Variants in SOX30 observed in about 807,000 individuals in gnomAD.
SOX30 encodes the protein SRY-box transcription factor 30.
SOX30 carries 17 observed loss-of-function variants against 58.6 expected under a neutral mutation model. The ratio of observed to expected loss-of-function variants is 0.29; its 90% CI spans 0.20 to 0.44. The LOEUF is 0.44. Ranked by LOEUF, SOX30 falls within the 20% of genes least tolerant of loss-of-function variation. The pLI is 1.00. For missense variants in SOX30, 951 were observed against 965.8 expected, an observed-to-expected ratio of 0.98 and a Z score of 0.20; for synonymous variants, 421 against 400.2, an observed-to-expected ratio of 1.05 and a Z score of -0.62.
chr5:157,654,431 T>C (rs1561588151), upstream of SOX30, among the ~76,000 whole-genome samples: 1 of 152,212 alleles, frequency 6.6e-6, no homozygotes, highest in East Asian at 1.9e-4. Context: ...TAGCTGACTC[T>C]GTAAGTGTCA....
intron 4 of SOX30, among the ~76,000 whole-genome samples, chr5:157,635,882 C>A (rs928656222): frequency 1.3e-5 from 2 of 152,026 alleles, no homozygotes; most frequent in African/African-American, 4.8e-5. Flanking sequence ...TAACAGCTGC[C>A]AATCAAGAGG....
intron 3 of SOX30, among the ~76,000 whole-genome samples, chr5:157,645,412 C>G (rs562037063): frequency 6.6e-6 from 1 of 152,172 alleles, no homozygotes; most frequent in South Asian, 2.1e-4. Context: ...ACTTATAATC[C>G]TGGCACTTTG....
chr5:157,651,071 A>T (rs1759317073), intron 1 of SOX30, 41 bp downstream of exon 1: 1 of 1,417,158 alleles, frequency 7.1e-7, no homozygotes, highest in African/African-American at 1.4e-5. Flanking sequence ...TGGGCAACAC[A>T]GACGCAGTTT....
chr5:157,667,663 C>T (rs1029576165), intron 2 of SOX30: 1 of 1,230,468 alleles, frequency 8.1e-7, no homozygotes, highest in African/African-American at 1.6e-5. Context: ...CACTTGAACC[C>T]AGGTCGCAGA....
At chr5:157,659,133 C>A (rs1759531837) in intron 2 of SOX30, among the ~76,000 whole-genome samples, 2 of 152,218 alleles carry the variant, frequency 1.3e-5, no homozygotes, top group South Asian at 4.1e-4. Flanking sequence ...TAAAAATGGG[C>A]AACCAGCACT....
At chr5:157,640,249 C>G (rs1238966576) in intron 3 of SOX30, among the ~76,000 whole-genome samples, 11 of 151,994 alleles carry the variant, frequency 7.2e-5, no homozygotes, top group Admixed American at 7.2e-4. Context: ...TATTCGTATC[C>G]CAGTATCTAG....
At chr5:157,641,763 G>A (rs1290460822) in intron 3 of SOX30, among the ~76,000 whole-genome samples, 2 of 152,174 alleles carry the variant, frequency 1.3e-5, no homozygotes, top group Non-Finnish European at 2.9e-5. Context: ...TCCTAGCAGA[G>A]TTTGCCCCAT....
chr5:157,646,866 A>C (rs1196836590), intron 2 of SOX30, 50 bp from the exon 3 acceptor site: 3 of 1,387,876 alleles, frequency 2.2e-6, no homozygotes, highest in Non-Finnish European at 3.0e-6. Flanking sequence ...TTAGCCTTTA[A>C]ATAATTTTTT....
chr5:157,648,945 C>T lies in SOX30; in HGVS notation c.968-49G>A, dbSNP rs759115553. 3.9e-6 allele frequency: 6 copies of T among 1,549,002 alleles called. No homozygotes were observed. In the Admixed American group the frequency reaches 1.1e-4, roughly 28 times the overall value. Reference sequence around the variant, plus strand: ...TAAATTAATGTGCCATACACACACACACACACAATTTTAAGGTAAAGTGCA... The same window carrying T: ...TAAATTAATGTGCCATACACACACATACACACAATTTTAAGGTAAAGTGCA... On this transcript the variant is annotated intron_variant, in intron 1 of 4. Transcript: ENST00000265007.
At chr5:157,634,804 C>A (rs1009868958) in intron 4 of SOX30, among the ~76,000 whole-genome samples, 1 of 152,128 alleles carries the variant, frequency 6.6e-6, no homozygotes, top group African/African-American at 2.4e-5. Context: ...CCCACCACCA[C>A]ACTTGGCTAA....
At chr5:157,661,624 T>C (rs1759579487) in intron 2 of SOX30, among the ~76,000 whole-genome samples, 1 of 152,248 alleles carries the variant, frequency 6.6e-6, no homozygotes. Flanking sequence ...TGCTTTTGGC[T>C]ATAGTTTGCT....
Position 157,668,387 on chromosome 5 carries a change from C to A in SOX30, c.-3-535G>T, listed in dbSNP as rs1407225710. On this transcript the variant is annotated intron_variant, in intron 1 of 5. Coordinates refer to the SOX30 transcript ENST00000519442. ...TGCCAAAGGGTTAGCCAGCTGGAAT[C>A]AGAGGGGTAACTTGTCAGGGAGCAG... 9.9e-5 allele frequency among the ~76,000 whole-genome samples: 15 copies of A among 152,162 alleles called. No individual in the cohort carries two copies. In the South Asian group the frequency reaches 1.2e-3, roughly 13 times the overall value.
At chr5:157,634,085 C>A (rs1434583803) in intron 4 of SOX30, among the ~76,000 whole-genome samples, 3 of 152,184 alleles carry the variant, frequency 2.0e-5, no homozygotes, top group Non-Finnish European at 4.4e-5. Context: ...AAGATGTTAG[C>A]CCCAGAGAGG....
chr5:157,644,534 T>C (rs2113844145), intron 3 of SOX30, among the ~76,000 whole-genome samples: 2 of 151,494 alleles, frequency 1.3e-5, no homozygotes, highest in South Asian at 4.1e-4. Context: ...AAAATTAATG[T>C]ATCAAATGTC....
At chr5:157,646,537 T>A (rs1759197525) in intron 3 of SOX30, 100 bp downstream of exon 3, 2 of 858,768 alleles carry the variant, frequency 2.3e-6, no homozygotes, top group South Asian at 3.7e-5. Flanking sequence ...AACATTGTTG[T>A]TCCAAATTCT....
intron 4 of SOX30, among the ~76,000 whole-genome samples, chr5:157,631,740 G>A (rs1200951528): frequency 6.7e-6 from 1 of 149,116 alleles, no homozygotes; most frequent in Non-Finnish European, 1.5e-5. Flanking sequence ...ACTCCAGCCT[G>A]GGTAACAGAG....
chr5:157,652,969 T>G (rs756168625), upstream of SOX30, among the ~76,000 whole-genome samples: 3 of 152,204 alleles, frequency 2.0e-5, no homozygotes, highest in African/African-American at 4.8e-5. Context: ...TCTAAAATTC[T>G]TAGCAAAGCC....
At chr5:157,645,936 C>T (rs1297969988) in intron 3 of SOX30, among the ~76,000 whole-genome samples, 2 of 151,350 alleles carry the variant, frequency 1.3e-5, no homozygotes, top group Admixed American at 1.3e-4. Flanking sequence ...AGCAGAATTG[C>T]TTGAACCCAG....
chr5:157,651,526 T>C lies in SOX30; in HGVS notation c.553A>G (p.Lys185Glu). 6.2e-7 allele frequency: 1 copy of C among 1,613,390 alleles called. No individual in the cohort carries two copies. The highest frequency in any genetic ancestry group is 8.5e-7 in the Non-Finnish European group (1 of 1,180,014). Residue 185 changes from lysine (K) to glutamate (E), a missense_variant, in exon 1 of 5, where the codon AAG becomes GAG. Lys to Glu is a moderately conservative substitution (Grantham distance 56). Coordinates refer to ENST00000265007, the MANE Select transcript of SOX30 (RefSeq NM_178424.2). Reference protein sequence around the residue: ...LGYFRGDEKGKLEAEEVMRDS... With the variant: ...LGYFRGDEKGELEAEEVMRDS... Reference sequence around the variant, plus strand: ...CTCATGACCTCCTCCGCCTCCAGCTTGCCCTTCTCGTCCCCTCGGAAGTAG... The same window carrying C: ...CTCATGACCTCCTCCGCCTCCAGCTCGCCCTTCTCGTCCCCTCGGAAGTAG...
Sources: allele counts gnomAD v4.1 joint callset (sites outside exome capture counted in the v4.1 genomes callset), GRCh38; gene constraint gnomAD v4.1.1; transcripts MANE v1.5; gene names NCBI Gene and HGNC (gene_info 2026-07-23, HGNC 2026-07-21).